CAMSAP1: variants seen among roughly 807,000 people sequenced by gnomAD.
CAMSAP1 encodes calmodulin regulated spectrin associated protein 1, also known as calmodulin-regulated spectrin-associated protein 1.
Under a neutral mutation model 143.5 loss-of-function variants are expected in CAMSAP1, and 58 were observed. The observed-to-expected ratio is 0.40, with a 90% CI of 0.33 to 0.50. The LOEUF (loss-of-function observed/expected upper bound fraction) is 0.50, where lower values mean the gene tolerates loss of function less well. CAMSAP1 is among the 20% of genes least tolerant of loss of function. The probability of loss-of-function intolerance (pLI) is 0.45; values close to 1 mark genes in which losing one functional copy is unlikely to be tolerated. For synonymous variants in CAMSAP1, 945 were observed against 859.3 expected (o/e 1.10, Z -1.74); for missense variants, 1,969 against 2,115.7 (o/e 0.93, Z 1.36).
chr9:135,865,580 T>C (rs1837346575), intron 4 of CAMSAP1, among the ~76,000 whole-genome samples: 1 of 152,178 alleles, frequency 6.6e-6, no homozygotes, highest in Non-Finnish European at 1.5e-5. Context: ...AACACTATTC[T>C]TTGCAGTAGC....
At chr9:135,816,034 C>A (rs761991213) in intron 14 of CAMSAP1, 29 bp from the exon 15 acceptor site, 1 of 1,603,668 alleles carries the variant, frequency 6.2e-7, no homozygotes, top group African/African-American at 1.3e-5. Flanking sequence ...AAGAGACAGG[C>A]AGGTGAAGCG....
In CAMSAP1 at chr9:135,822,836, T is replaced by C; in HGVS notation, c.1825A>G (p.Ile609Val). 6.2e-7 allele frequency: 1 copy of C among 1,613,936 alleles called. No individual in the cohort carries two copies. Among genetic ancestry groups the C allele is most frequent in the Admixed American group, 1.7e-5 (1 of 60,006 alleles). ...VLKPAKEKQV[I>V]TKEDERGEGR... ...TCCCCCCGTTCATCCTCCTTGGTGA[T>C]CACCTGCTTCTCTTTCGCTGGCTTA... Residue 609 changes from isoleucine to valine, a missense_variant, in exon 11 of 17, where the codon ATC becomes GTC. Around this residue, in one of 4 missense-constraint regions of CAMSAP1, gnomAD observed 1,390 missense variants for 1,420.8 expected, o/e 0.98. Transcript: ENST00000389532. The surrounding 1 kb of genome is among the most constrained non-coding windows in gnomAD (Gnocchi z 6.1).
chr9:135,864,431 C>T (rs370496427), intron 4 of CAMSAP1, among the ~76,000 whole-genome samples: 1 of 152,158 alleles, frequency 6.6e-6, no homozygotes, highest in Non-Finnish European at 1.5e-5. Flanking sequence ...CCCTGTATCC[C>T]AGCTTACTCC....
chr9:135,889,052 G>C (rs1254213309), intron 1 of CAMSAP1, among the ~76,000 whole-genome samples: 1 of 152,228 alleles, frequency 6.6e-6, no homozygotes, highest in Non-Finnish European at 1.5e-5. Context: ...AGAAGAGGGG[G>C]CTGGATAGGG....
Position 135,822,050 on chromosome 9 carries a change from C to T in CAMSAP1, c.2611G>A (p.Ala871Thr), listed in dbSNP as rs763374846. ...QSPSQHGKDP[A>T]SLLASELVQL... ...ACCAGCTCAGATGCCAGGAGGCTGG[C>T]GGGATCCTTGCCATGCTGGCTCGGA... is the stretch of plus-strand genomic sequence containing the variant. Residue 871 changes from alanine to threonine, a missense_variant, in exon 11 of 17, where the codon GCC becomes ACC. Around this residue, in one of 4 missense-constraint regions of CAMSAP1, gnomAD observed 1,390 missense variants for 1,420.8 expected, o/e 0.98. Transcript: ENST00000389532. This position sits in a 1 kb window ranked among gnomAD's most constrained non-coding sequence, Gnocchi z 6.1. 2.6e-5 allele frequency: 42 copies of T among 1,612,400 alleles called. No individual in the cohort carries two copies. The highest frequency in any genetic ancestry group is 5.5e-5 in the South Asian group (5 of 91,066).
chr9:135,846,371 T>A (rs1247289479), intron 7 of CAMSAP1, among the ~76,000 whole-genome samples: 3 of 152,058 alleles, frequency 2.0e-5, no homozygotes, highest in African/African-American at 7.2e-5. Flanking sequence ...TATACAAAAA[T>A]TAACTCAAGA....
At chr9:135,872,117 G>A (rs962730824) in intron 3 of CAMSAP1, among the ~76,000 whole-genome samples, 2 of 151,764 alleles carry the variant, frequency 1.3e-5, no homozygotes, top group African/African-American at 2.4e-5. Context: ...AAAAACGGAA[G>A]AGATCCTGAG....
chr9:135,885,469 C>T (rs926299684), intron 1 of CAMSAP1, among the ~76,000 whole-genome samples: 1 of 152,156 alleles, frequency 6.6e-6, no homozygotes, highest in Non-Finnish European at 1.5e-5. Context: ...AGAGTGATGG[C>T]TCTGTGCAGA....
chr9:135,869,579 G>C (rs1837501640), intron 3 of CAMSAP1, among the ~76,000 whole-genome samples: 1 of 151,458 alleles, frequency 6.6e-6, no homozygotes, highest in South Asian at 2.1e-4. Context: ...CTCAGATGCA[G>C]CCAGTGGGAA....
Position 135,822,238 on chromosome 9 carries a change from G to A in CAMSAP1, c.2423C>T (p.Ala808Val), listed in dbSNP as rs375400364. ...TASQMSSVSMASGSVKMTSFA... is the reference protein window; with the variant it reads ...TASQMSSVSMVSGSVKMTSFA... ...GCTGGTCATCTTCACGCTCCCACTCGCCATGGAGACACTGCTCATCTGAGA... is the reference window on the plus strand; with the variant it reads ...GCTGGTCATCTTCACGCTCCCACTCACCATGGAGACACTGCTCATCTGAGA... The change falls in exon 11 of 17, where the codon GCG becomes GTG. Residue 808 changes from alanine to valine, a missense_variant. By Grantham distance (64) the Ala-to-Val change is moderately conservative. Around this residue, in one of 4 missense-constraint regions of CAMSAP1, gnomAD observed 1,390 missense variants for 1,420.8 expected, o/e 0.98. Transcript: ENST00000389532. This position sits in a 1 kb window ranked among gnomAD's most constrained non-coding sequence, Gnocchi z 6.1. The A allele has an allele frequency of 1.5e-5, 25 of 1,613,826 alleles. No individual in the cohort carries two copies. The highest frequency in any genetic ancestry group is 4.0e-5 in the African/African-American group (3 of 74,938).
In CAMSAP1 at chr9:135,824,408, T is replaced by G. The variant is rs1169058148; in HGVS notation, c.1316-374A>C. On this transcript the variant is annotated intron_variant, in intron 9 of 16. Transcript: ENST00000389532. This position sits in a 1 kb window ranked among gnomAD's most constrained non-coding sequence, Gnocchi z 4.1. ...TCAGCCGGGCACAGTGGCTCACACCTGTAATTCCAGCACTCTGGGAGGCCG... is the reference window on the plus strand; with the variant it reads ...TCAGCCGGGCACAGTGGCTCACACCGGTAATTCCAGCACTCTGGGAGGCCG... 2.0e-5 allele frequency among the ~76,000 whole-genome samples: 3 copies of G among 152,226 alleles called. No homozygotes were observed. The highest frequency in any genetic ancestry group is 2.9e-5 in the Non-Finnish European group (2 of 68,048).
chr9:135,813,924 G>C (rs1296842579), intron 16 of CAMSAP1, among the ~76,000 whole-genome samples: 2 of 152,214 alleles, frequency 1.3e-5, no homozygotes, highest in African/African-American at 2.4e-5. Context: ...CGAGAGCAGA[G>C]GGAGCTGCAC....
At chr9:135,887,946 CCACACA>C (rs1400526813) in intron 1 of CAMSAP1, among the ~76,000 whole-genome samples, 4 of 152,218 alleles carry the variant, frequency 2.6e-5, no homozygotes, top group Non-Finnish European at 5.9e-5. Context: ...TCGGCGGGAG[CCACACA>C]GAAAGGCCCT....
chr9:135,816,217 G>A lies in CAMSAP1; in HGVS notation c.4272-212C>T, dbSNP rs1835226009. Among the ~76,000 whole-genome samples the A allele has an allele frequency of 2.0e-5, 3 of 152,226 alleles. No individual in the cohort carries two copies. The South Asian group carries it at 6.2e-4, about 32-fold the overall frequency. On this transcript the variant is annotated intron_variant, in intron 14 of 16. Coordinates refer to ENST00000389532, the MANE Select transcript of CAMSAP1 (RefSeq NM_015447.4). ...GCAAACACTTCAGGCACTAGGGAGT[G>A]ATGAAGACAGACAGAGGGGAGTCAG...
intron 7 of CAMSAP1, among the ~76,000 whole-genome samples, chr9:135,834,203 T>G (rs1014463360): frequency 1.3e-5 from 2 of 152,152 alleles, no homozygotes; most frequent in African/African-American, 4.8e-5. Flanking sequence ...ATACTGTTGG[T>G]GGGAACACAA....
chr9:135,874,413 A>T (rs1837664777), intron 3 of CAMSAP1, among the ~76,000 whole-genome samples: 1 of 143,336 alleles, frequency 7.0e-6, no homozygotes, highest in South Asian at 2.4e-4. Flanking sequence ...ATGAGGCTAC[A>T]ATGAGCTATG....
intron 5 of CAMSAP1, among the ~76,000 whole-genome samples, chr9:135,854,456 T>G (rs1029609803): frequency 6.6e-6 from 1 of 151,638 alleles, no homozygotes; most frequent in African/African-American, 2.4e-5. Flanking sequence ...CACTTTTTGC[T>G]GTTAAATTTG....
At chr9:135,855,246 C>T (rs1050450528) in intron 5 of CAMSAP1, among the ~76,000 whole-genome samples, 5 of 152,034 alleles carry the variant, frequency 3.3e-5, no homozygotes, top group Admixed American at 3.3e-4. Flanking sequence ...CCCACCTTGG[C>T]CTCCCAAAGG....
intron 1 of CAMSAP1, among the ~76,000 whole-genome samples, chr9:135,884,384 C>T (rs1838057739): frequency 6.6e-6 from 1 of 152,142 alleles, no homozygotes; most frequent in South Asian, 2.1e-4. Flanking sequence ...TCTCTTCTGG[C>T]TTCCTTCACT....
Sources: allele counts gnomAD v4.1 joint callset (sites outside exome capture counted in the v4.1 genomes callset), GRCh38; gene constraint gnomAD v4.1.1; regional missense constraint gnomAD v4.1.1; non-coding constraint Gnocchi (gnomAD v3.1); transcripts MANE v1.5; gene names NCBI Gene and HGNC (gene_info 2026-07-23, HGNC 2026-07-21).